SLC34A1: variants seen among roughly 807,000 people sequenced by gnomAD.
SLC34A1 encodes the protein solute carrier family 34 member 1.
A neutral mutation model predicts 51.4 loss-of-function variants in SLC34A1; 57 were observed. That is an observed-to-expected ratio of 1.11 (90% confidence interval 0.90 to 1.38). SLC34A1 has a LOEUF of 1.38. Ranked by LOEUF, SLC34A1 falls within the 40% of genes most tolerant of loss-of-function variation. SLC34A1 has a pLI of 0.00. For missense variants in SLC34A1, 796 were observed against 835.6 expected (o/e 0.95, Z 0.58); for synonymous variants, 368 against 358.0 (o/e 1.03, Z -0.32).
Position 177,386,456 on chromosome 5 carries a change from C to T in SLC34A1, c.422C>T (p.Ala141Val). The T allele has an allele frequency of 6.2e-7, 1 of 1,614,096 alleles. No individual in the cohort carries two copies. Among genetic ancestry groups the T allele is most frequent in the South Asian group, 1.1e-5 (1 of 91,078 alleles). Residue 141 changes from alanine to valine, a missense_variant, in exon 5 of 13, where the codon GCC becomes GTC. Ala to Val is a moderately conservative substitution (Grantham distance 64). Coordinates refer to ENST00000324417, the MANE Select transcript of SLC34A1 (RefSeq NM_003052.5). This position sits in a 1 kb window ranked among gnomAD's most constrained non-coding sequence, Gnocchi z 4.8. ...GCTGGTGACATCTTCAAGGATAACG[C>T]CATCCTGTCCAACCCGGTGGCCGGG... is the stretch of plus-strand genomic sequence containing the variant. ...KVAGDIFKDN[A>V]ILSNPVAGLV...
chr5:177,397,310 C>T (rs2127355636), intron 12 of SLC34A1: 2 of 566,032 alleles, frequency 3.5e-6, no homozygotes, highest in East Asian at 6.3e-5. Context: ...GTCGGATTTG[C>T]ACCATAAGGA....
chr5:177,389,662 C>T, intron 8 of SLC34A1: 1 of 1,537,250 alleles, frequency 6.5e-7, no homozygotes. Context: ...GGAGAGAAAT[C>T]ACACACTTTG....
rs1561634584 is a variant in SLC34A1 at position 177,396,506 on chromosome 5, C to CTCT, written c.1175-227_1175-226insTCT. The stretch of plus-strand genomic sequence containing the variant: ...GAGGTCCTCTCTCCCAGTGCCCCCG[C>CTCT]GGAGGTCCTCTCTCCCAGTGCCCCC... On this transcript the variant is annotated intron_variant, in intron 10 of 12. Coordinates refer to ENST00000324417, the MANE Select transcript of SLC34A1 (RefSeq NM_003052.5). This position sits in a 1 kb window ranked among gnomAD's most constrained non-coding sequence, Gnocchi z 4.0. Among the ~76,000 whole-genome samples, 52 of 125,060 alleles carry CTCT rather than the reference C, an allele frequency of 4.2e-4. No individual in the cohort carries two copies. The highest frequency in any genetic ancestry group is 9.3e-3 in the Middle Eastern group (2 of 216). The allele number at this position is 125,060 out of a possible 152,430, so 82.0% of individuals were successfully genotyped here. A position where few individuals can be genotyped will look rare whatever the true frequency, so the allele number is the denominator to read the frequency against.
chr5:177,384,731 A>G (rs1762498714), intron 1 of SLC34A1, among the ~76,000 whole-genome samples: 1 of 152,024 alleles, frequency 6.6e-6, no homozygotes, highest in African/African-American at 2.4e-5. Context: ...GTGTGGTGGC[A>G]GGCACCTGTA....
intron 1 of SLC34A1, among the ~76,000 whole-genome samples, chr5:177,384,695 C>T (rs972876646): frequency 6.6e-6 from 1 of 151,922 alleles, no homozygotes; most frequent in South Asian, 2.1e-4. Flanking sequence ...GTCGAGTTTG[C>T]ACTAAAAATA....
At position 177,396,725 on chromosome 5, in the gene SLC34A1, C is replaced by T; in HGVS notation, c.1175-8C>T. On this transcript the variant is annotated splice_region_variant and splice_polypyrimidine_tract_variant and intron_variant, in intron 10 of 12. Coordinates refer to ENST00000324417, the MANE Select transcript of SLC34A1 (RefSeq NM_003052.5). This position sits in a 1 kb window ranked among gnomAD's most constrained non-coding sequence, Gnocchi z 4.0. Reference sequence around the variant, plus strand: ...ACCCCAGCCTGCTGGGATGCGGTTTCCTTGCAGACTTCCCTGCCCCCTTCA... The same window carrying T: ...ACCCCAGCCTGCTGGGATGCGGTTTTCTTGCAGACTTCCCTGCCCCCTTCA... 1 of 1,613,740 alleles carries T rather than the reference C, an allele frequency of 6.2e-7. No individual in the cohort carries two copies. The highest frequency in any genetic ancestry group is 8.5e-7 in the Non-Finnish European group (1 of 1,179,600).
rs181236511 is a variant in SLC34A1 at position 177,385,649 on chromosome 5, A to G, written c.-47-46A>G. 1.5e-5 allele frequency: 13 copies of G among 879,072 alleles called. No individual in the cohort carries two copies. In the African/African-American group the frequency reaches 1.8e-4, roughly 12 times the overall value. The allele number at this position is 879,072 out of a possible 1,614,324, so 54.5% of individuals were successfully genotyped here. ...TGCGCCATGGGGGTTTGTGCAGGTG[A>G]GGGTGTGTGGGCATGAGTGTCCCGG... On this transcript the variant is annotated intron_variant, in intron 1 of 12. Transcript: ENST00000324417.
Position 177,385,814 on chromosome 5 carries a change from C to T in SLC34A1, c.73C>T (p.Arg25Ter), listed in dbSNP as rs200893951. ...CCCAGTCCGTGGGGGGCATGTGATG[C>T]GAGGGACGGCCTTTGCCTACGTGCC... Reference protein sequence around the residue: ...PLPVRGGHVMRGTAFAYVPSP... With the variant: ...PLPVRGGHVM Residue 25 changes from arginine (R) to a stop codon, truncating the protein, a stop_gained, in exon 2 of 13, where the codon CGA becomes TGA. Transcript: ENST00000324417. LOFTEE classifies it high-confidence loss of function. 111 of 1,613,244 alleles carry T rather than the reference C, an allele frequency of 6.9e-5. No homozygotes were observed. The highest frequency in any genetic ancestry group is 3.3e-4 in the Middle Eastern group (2 of 6,084).
chr5:177,391,835 G>A (rs534411823), intron 8 of SLC34A1, among the ~76,000 whole-genome samples: 12 of 152,318 alleles, frequency 7.9e-5, no homozygotes, highest in African/African-American at 2.4e-4. Flanking sequence ...ATTATCCTGC[G>A]TTAGAGAAAA....
In SLC34A1 at chr5:177,394,089, A is replaced by T. The variant is rs762662309; in HGVS notation, c.1068A>T (p.Ala356=). The change falls in exon 10 of 13, where the codon GCA becomes GCT. Residue 356 remains alanine (A), a synonymous_variant. Transcript: ENST00000324417. ...PDLAVGLILL[A]GSLVLLCTCL... ...TGGCTGTGGGGCTCATCCTGCTGGC[A>T]GGATCCCTGGTGCTGCTGTGCACCT... is the stretch of plus-strand genomic sequence containing the variant. 1 of 1,614,070 alleles carries T rather than the reference A, an allele frequency of 6.2e-7. No homozygotes were observed. Among genetic ancestry groups the T allele is most frequent in the Non-Finnish European group, 8.5e-7 (1 of 1,180,038 alleles).
At chr5:177,393,945 G>T (rs1762882118) in intron 9 of SLC34A1, 83 bp from the exon 10 acceptor site, 1 of 1,580,742 alleles carries the variant, frequency 6.3e-7, no homozygotes, top group African/African-American at 1.3e-5. Flanking sequence ...TGGGGCCTTA[G>T]GATCAGAGCC....
Position 177,385,867 on chromosome 5 carries a change from C to T in SLC34A1, c.109+17C>T. ...GCCCTCAGGGTAAGTGCTGCTCCCA[C>T]ACCCTGGACCCTGGTTGCCCACGGT... On this transcript the variant is annotated intron_variant, in intron 2 of 12. Coordinates refer to ENST00000324417, the MANE Select transcript of SLC34A1 (RefSeq NM_003052.5). 5 of 1,611,742 alleles carry T rather than the reference C, an allele frequency of 3.1e-6. No individual in the cohort carries two copies. The highest frequency in any genetic ancestry group is 4.2e-6 in the Non-Finnish European group (5 of 1,178,242).
chr5:177,396,156 T>C lies in SLC34A1; in HGVS notation c.1175-577T>C, dbSNP rs2127354587. On this transcript the variant is annotated intron_variant, in intron 10 of 12. Transcript: ENST00000324417. This position sits in a 1 kb window ranked among gnomAD's most constrained non-coding sequence, Gnocchi z 4.0. ...TAGAATAAGGGGTATCATGGGGCTG[T>C]GGGAGCTCAGAGAAGGGAGAAAAAG... is the stretch of plus-strand genomic sequence containing the variant. Among the ~76,000 whole-genome samples the C allele has an allele frequency of 6.6e-6, 1 of 152,154 alleles. No homozygotes were observed. The highest frequency in any genetic ancestry group is 3.4e-3 in the Middle Eastern group (1 of 294).
Position 177,388,156 on chromosome 5 carries a change from C to T in SLC34A1, c.807C>T (p.Ile269=), listed in dbSNP as rs772747645. The T allele has an allele frequency of 1.9e-6, 3 of 1,614,006 alleles. No homozygotes were observed. Among genetic ancestry groups the T allele is most frequent in the Admixed American group, 1.7e-5 (1 of 60,006 alleles). The change falls in exon 7 of 13, where the codon ATC becomes ATT. Residue 269 remains isoleucine, a synonymous_variant. Coordinates refer to ENST00000324417, the MANE Select transcript of SLC34A1 (RefSeq NM_003052.5). The surrounding 1 kb of genome is among the most constrained non-coding windows in gnomAD (Gnocchi z 4.3). Reference sequence around the variant, plus strand: ...GTGATGCTCCTGACCTGCTCAAGATCATCACAGAGCCCTTCACGAAGCTCA... The same window carrying T: ...GTGATGCTCCTGACCTGCTCAAGATTATCACAGAGCCCTTCACGAAGCTCA... ...GGRDAPDLLK[I]ITEPFTKLII... is the part of the protein sequence containing the mutation.
Position 177,386,677 on chromosome 5 carries a change from C to A in SLC34A1, c.532+111C>A. 7.7e-7 allele frequency: 1 copy of A among 1,303,402 alleles called. No homozygotes were observed. The highest frequency in any genetic ancestry group is 1.1e-6 in the Non-Finnish European group (1 of 913,360). The allele number at this position is 1,303,402 out of a possible 1,614,324, so 80.7% of individuals were successfully genotyped here. A position where few individuals can be genotyped will look rare whatever the true frequency, so the allele number is the denominator to read the frequency against. On this transcript the variant is annotated intron_variant, in intron 5 of 12. Coordinates refer to ENST00000324417, the MANE Select transcript of SLC34A1 (RefSeq NM_003052.5). The surrounding 1 kb of genome is among the most constrained non-coding windows in gnomAD (Gnocchi z 4.8). Reference sequence around the variant, plus strand: ...TAAGGCTGGCCTCCATTCAGCTTGACTCCTGTATCAGCCAGGGACATGAGA... The same window carrying A: ...TAAGGCTGGCCTCCATTCAGCTTGAATCCTGTATCAGCCAGGGACATGAGA...
chr5:177,392,209 C>T (rs746794517), intron 8 of SLC34A1, among the ~76,000 whole-genome samples: 65 of 152,336 alleles, frequency 4.3e-4, no homozygotes, highest in Admixed American at 9.1e-4. Context: ...CACCTGTAAT[C>T]CCAGCACCTT....
At chr5:177,385,349 G>A (rs1210313156) in intron 1 of SLC34A1, among the ~76,000 whole-genome samples, 5 of 152,154 alleles carry the variant, frequency 3.3e-5, no homozygotes, top group South Asian at 4.1e-4. Context: ...CCTCTGGTTC[G>A]GAGCCTGGGC....
rs565406577 is a variant in SLC34A1 at position 177,396,424 on chromosome 5, G to T, written c.1175-309G>T. On this transcript the variant is annotated intron_variant, in intron 10 of 12. Coordinates refer to ENST00000324417, the MANE Select transcript of SLC34A1 (RefSeq NM_003052.5). The surrounding 1 kb of genome is among the most constrained non-coding windows in gnomAD (Gnocchi z 4.0). ...GGAGGTCGTCTCTCCCAGTGCCCCCGCGGAGATCCGCTCTCCCAGTGCCCC... is the reference window on the plus strand; with the variant it reads ...GGAGGTCGTCTCTCCCAGTGCCCCCTCGGAGATCCGCTCTCCCAGTGCCCC... Among the ~76,000 whole-genome samples the T allele has an allele frequency of 6.6e-6, 1 of 151,300 alleles. No homozygotes were observed. The highest frequency in any genetic ancestry group is 2.4e-5 in the African/African-American group (1 of 41,130).
rs1446385628 is a variant in SLC34A1 at position 177,388,140 on chromosome 5, C to A, written c.791C>A (p.Pro264His). 4 of 1,614,154 alleles carry A rather than the reference C, an allele frequency of 2.5e-6. No individual in the cohort carries two copies. The Middle Eastern group carries it at 4.9e-4, about 200-fold the overall frequency. ...SFNIHGGRDA[P>H]DLLKIITEPF... ...AACATCCATGGTGGCCGTGATGCTCCTGACCTGCTCAAGATCATCACAGAG... is the reference window on the plus strand; with the variant it reads ...AACATCCATGGTGGCCGTGATGCTCATGACCTGCTCAAGATCATCACAGAG... The change falls in exon 7 of 13, where the codon CCT (proline) becomes CAT (histidine). Residue 264 changes from proline (P) to histidine (H), a missense_variant. Pro to His is a moderately conservative substitution (Grantham distance 77). Coordinates refer to ENST00000324417, the MANE Select transcript of SLC34A1 (RefSeq NM_003052.5). The surrounding 1 kb of genome is among the most constrained non-coding windows in gnomAD (Gnocchi z 4.3).
Sources: allele counts gnomAD v4.1 joint callset (sites outside exome capture counted in the v4.1 genomes callset), GRCh38; gene constraint gnomAD v4.1.1; non-coding constraint Gnocchi (gnomAD v3.1); transcripts MANE v1.5; gene names NCBI Gene and HGNC (gene_info 2026-07-23, HGNC 2026-07-21).